Variants in CERS6 observed in about 807,000 individuals in gnomAD.
The protein encoded by CERS6 is LAG1 homolog, ceramide synthase 6.
Under a neutral mutation model 56.8 loss-of-function variants are expected in CERS6, and 26 were observed. The observed-to-expected ratio is 0.46, with a 90% CI of 0.34 to 0.63. CERS6 has a LOEUF of 0.63. CERS6 is among the 30% of genes least tolerant of loss of function. The probability of loss-of-function intolerance (pLI) is 0.01; values close to 1 mark genes in which losing one functional copy is unlikely to be tolerated. For missense variants in CERS6, 415 were observed against 467.5 expected, an observed-to-expected ratio of 0.89 and a Z score of 1.04; for synonymous variants, 164 against 173.3, an observed-to-expected ratio of 0.95 and a Z score of 0.42.
intron 1 of CERS6, among the ~76,000 whole-genome samples, chr2:168,519,633 GT>G (rs767927827): frequency 1.2e-4 from 19 of 152,158 alleles, no homozygotes; most frequent in Non-Finnish European, 2.4e-4. Flanking sequence ...AGAACATGCA[GT>G]ATTTGGTTTT....
At chr2:168,624,354 G>A (rs1298935988) in intron 3 of CERS6, among the ~76,000 whole-genome samples, 1 of 152,214 alleles carries the variant, frequency 6.6e-6, no homozygotes, top group East Asian at 1.9e-4. Context: ...TTAATATTTA[G>A]TAGTAAAAAC....
intron 3 of CERS6, among the ~76,000 whole-genome samples, chr2:168,576,051 G>T (rs546876841): frequency 3.3e-5 from 5 of 152,236 alleles, no homozygotes; most frequent in African/African-American, 1.2e-4. Flanking sequence ...ACATAGGGAG[G>T]TAGAGTTAGG....
intron 3 of CERS6, among the ~76,000 whole-genome samples, chr2:168,610,276 C>T (rs763444038): frequency 4.6e-5 from 7 of 152,084 alleles, no homozygotes; most frequent in South Asian, 2.1e-4. Flanking sequence ...CACTCCCGGC[C>T]GACTGATTTT....
chr2:168,537,223 A>G (rs1183070649), intron 1 of CERS6, among the ~76,000 whole-genome samples: 1 of 152,226 alleles, frequency 6.6e-6, no homozygotes, highest in East Asian at 1.9e-4. Flanking sequence ...GGGCTGATAC[A>G]TAATAGATGC....
At chr2:168,482,128 T>C (rs150048106) in intron 1 of CERS6, among the ~76,000 whole-genome samples, 52 of 152,310 alleles carry the variant, frequency 3.4e-4, no homozygotes, top group African/African-American at 9.9e-4. Context: ...AGGGAAAAAA[T>C]TAAATGAGGT....
intron 1 of CERS6, among the ~76,000 whole-genome samples, chr2:168,462,512 A>C (rs1011112571): frequency 6.6e-6 from 1 of 152,108 alleles, no homozygotes. Flanking sequence ...TCTATACTGT[A>C]GCATGATTGA....
At chr2:168,483,559 G>A (rs1012401706) in intron 1 of CERS6, among the ~76,000 whole-genome samples, 8 of 152,156 alleles carry the variant, frequency 5.3e-5, no homozygotes, top group African/African-American at 1.9e-4. Context: ...AGGAAGACTT[G>A]AATGTCCTGC....
intron 8 of CERS6, among the ~76,000 whole-genome samples, chr2:168,720,669 T>G (rs1378556223): frequency 1.3e-5 from 2 of 152,192 alleles, no homozygotes; most frequent in Non-Finnish European, 2.9e-5. Flanking sequence ...TTGTAAACAC[T>G]AAGTGATTTT....
At chr2:168,481,126 G>A (rs1392990011) in intron 1 of CERS6, among the ~76,000 whole-genome samples, 1 of 152,138 alleles carries the variant, frequency 6.6e-6, no homozygotes, top group Non-Finnish European at 1.5e-5. Context: ...GGGACAGTTG[G>A]CCAGGCTGGC....
chr2:168,518,921 AC>A (rs1694930875), intron 1 of CERS6, among the ~76,000 whole-genome samples: 1 of 151,314 alleles, frequency 6.6e-6, no homozygotes, highest in African/African-American at 2.4e-5. Context: ...CCCTCCTCCC[AC>A]CCACCTCCTT....
chr2:168,568,175 C>T (rs977769113), intron 3 of CERS6, among the ~76,000 whole-genome samples: 2 of 152,192 alleles, frequency 1.3e-5, no homozygotes, highest in African/African-American at 4.8e-5. Flanking sequence ...TTAGCTACTG[C>T]TGTGGTCTGC....
rs141128121 is a variant in CERS6, at chr2:168,561,247, G to A, written c.332G>A (p.Arg111Gln). The change falls in exon 3 of 10, where the codon CGA becomes CAA. Residue 111 changes from arginine to glutamine, a missense_variant. By Grantham distance (43) the Arg-to-Gln change is conservative (BLOSUM62 1). Transcript: ENST00000305747. Reference protein sequence around the residue: ...GLSKQLDWDVRSIQRWFRQRR... With the variant: ...GLSKQLDWDVQSIQRWFRQRR... ...TCCAAGCAACTGGACTGGGATGTTCGAAGCATTCAGCGCTGGTTTCGACAA... is the reference window on the plus strand; with the variant it reads ...TCCAAGCAACTGGACTGGGATGTTCAAAGCATTCAGCGCTGGTTTCGACAA... 2.2e-4 allele frequency: 350 copies of A among 1,614,116 alleles called. 1 individual carries two copies. The African/African-American group carries it at 3.7e-3, about 17-fold the overall frequency.
At chr2:168,603,070 C>T (rs1271924401) in intron 3 of CERS6, among the ~76,000 whole-genome samples, 1 of 152,202 alleles carries the variant, frequency 6.6e-6, no homozygotes, top group Non-Finnish European at 1.5e-5. Context: ...GAAGGAGAAA[C>T]AGAAGCTCAG....
At chr2:168,502,585 G>T (rs888837031) in intron 1 of CERS6, among the ~76,000 whole-genome samples, 3 of 152,088 alleles carry the variant, frequency 2.0e-5, no homozygotes, top group African/African-American at 7.2e-5. Flanking sequence ...CATCCAAGAG[G>T]GCCAAAACAA....
intron 4 of CERS6, among the ~76,000 whole-genome samples, chr2:168,647,315 T>C (rs1197825980): frequency 6.6e-6 from 1 of 152,210 alleles, no homozygotes; most frequent in Non-Finnish European, 1.5e-5. Context: ...GATTTGGCTC[T>C]TGGCTTGACT....
chr2:168,750,032 G>A (rs994843181), intron 8 of CERS6, among the ~76,000 whole-genome samples: 5 of 152,322 alleles, frequency 3.3e-5, no homozygotes, highest in African/African-American at 1.2e-4. Context: ...ATGGAGAGGG[G>A]CAATTAACTT....
intron 3 of CERS6, among the ~76,000 whole-genome samples, chr2:168,612,069 T>C (rs1160791032): frequency 6.6e-6 from 1 of 152,256 alleles, no homozygotes; most frequent in Non-Finnish European, 1.5e-5. Flanking sequence ...GCCCTTGCCA[T>C]GTGTTGAATG....
intron 1 of CERS6, among the ~76,000 whole-genome samples, chr2:168,475,708 A>G (rs1267090903): frequency 1.3e-5 from 2 of 152,206 alleles, no homozygotes; most frequent in South Asian, 2.1e-4. Flanking sequence ...TTTCTTAATA[A>G]TATTTCTTGG....
rs1356900744 is a variant in CERS6, at chr2:168,467,514, C to T, written c.170+10896C>T. Among the ~76,000 whole-genome samples, 3 of 152,046 alleles carry T rather than the reference C, an allele frequency of 2.0e-5. No individual in the cohort carries two copies. In the South Asian group the frequency reaches 6.2e-4, roughly 32 times the overall value. ...GTGTTGCTCTTTTGTATATCTATTG[C>T]AATTAATAGACATGTATATTTATTT... On this transcript the variant is annotated intron_variant, in intron 1 of 9. Coordinates refer to ENST00000305747, the MANE Select transcript of CERS6 (RefSeq NM_203463.3).
Sources: allele counts gnomAD v4.1 joint callset (sites outside exome capture counted in the v4.1 genomes callset), GRCh38; gene constraint gnomAD v4.1.1; transcripts MANE v1.5; gene names NCBI Gene and HGNC (gene_info 2026-07-23, HGNC 2026-07-21).